SLC14A2: variants seen among roughly 807,000 people sequenced by gnomAD.
SLC14A2 encodes the protein urea transporter 2.
SLC14A2 carries 91 observed loss-of-function variants against 104.6 expected under a neutral mutation model. That is an observed-to-expected ratio of 0.87 (90% CI 0.73 to 1.04). The LOEUF (loss-of-function observed/expected upper bound fraction) is 1.04. Ranked by LOEUF, SLC14A2 falls within the 50% of genes least tolerant of loss-of-function variation. SLC14A2 has a pLI of 0.00. For synonymous variants in SLC14A2, 476 were observed against 466.4 expected (o/e 1.02, Z -0.27); for missense variants, 1,189 against 1,156.0 (o/e 1.03, Z -0.41).
At chr18:45,355,251 A>AATAGAGATATATCTCTAATCCT (rs1598713569) in intron 1 of SLC14A2, among the ~76,000 whole-genome samples, 2 of 152,120 alleles carry the variant, frequency 1.3e-5, no homozygotes, top group Admixed American at 6.5e-5. Context: ...TTATGATGCT[A>AATAGAGATATATCTCTAATCCT]ATAGAGATAT....
chr18:45,554,251 C>T (rs148202923), intron 2 of SLC14A2, among the ~76,000 whole-genome samples: 20 of 152,248 alleles, frequency 1.3e-4, no homozygotes, highest in Non-Finnish European at 2.5e-4. Context: ...TCAGCAATTC[C>T]ATGGGGCAGG....
At chr18:45,328,938 C>T (rs1046855721) in intron 1 of SLC14A2, among the ~76,000 whole-genome samples, 4 of 152,188 alleles carry the variant, frequency 2.6e-5, no homozygotes, top group African/African-American at 9.7e-5. Context: ...GCTCACATTC[C>T]TTTATTCAGA....
intron 1 of SLC14A2, among the ~76,000 whole-genome samples, chr18:45,618,875 G>T (rs185595703): frequency 5.9e-5 from 9 of 152,130 alleles, no homozygotes; most frequent in Admixed American, 5.9e-4. Context: ...AGGAGCATAC[G>T]AAATAGGCAC....
intron 1 of SLC14A2, among the ~76,000 whole-genome samples, chr18:45,384,232 G>A (rs1225032856): frequency 6.6e-6 from 1 of 152,026 alleles, no homozygotes; most frequent in East Asian, 1.9e-4. Context: ...ACAAGTGAGG[G>A]GGCCACACAG....
intron 1 of SLC14A2, among the ~76,000 whole-genome samples, chr18:45,400,865 C>T (rs1265748220): frequency 6.6e-6 from 1 of 152,204 alleles, no homozygotes; most frequent in Non-Finnish European, 1.5e-5. Flanking sequence ...TGCTTTGATG[C>T]TCGGACGTGT....
At chr18:45,616,271 C>T (rs576702429) in intron 1 of SLC14A2, among the ~76,000 whole-genome samples, 1 of 152,338 alleles carries the variant, frequency 6.6e-6, no homozygotes, top group Admixed American at 6.5e-5. Context: ...CCTGCAGACT[C>T]TACATTTCTT....
At chr18:45,370,794 G>C (rs2085714956) in intron 1 of SLC14A2, among the ~76,000 whole-genome samples, 1 of 152,188 alleles carries the variant, frequency 6.6e-6, no homozygotes. Context: ...AGAGCGACTG[G>C]AACACTGTCA....
intron 1 of SLC14A2, among the ~76,000 whole-genome samples, chr18:45,343,088 A>G (rs2085412343): frequency 6.6e-6 from 1 of 151,842 alleles, no homozygotes; most frequent in Non-Finnish European, 1.5e-5. Flanking sequence ...TCTGGGTGGC[A>G]CAACCTACCT....
In SLC14A2 at chr18:45,666,170, A is replaced by C; in HGVS notation, c.1508A>C (p.Asn503Thr). 6.2e-7 allele frequency: 1 copy of C among 1,613,964 alleles called. No homozygotes were observed. The highest frequency in any genetic ancestry group is 8.5e-7 in the Non-Finnish European group (1 of 1,179,854). ...FGKGEHQERQ[N>T]KDPFPYRYRK... ...AAAGGCGAACACCAGGAAAGACAAAACAAAGACCCATTTCCCTATCGATAC... is the reference window on the plus strand; with the variant it reads ...AAAGGCGAACACCAGGAAAGACAAACCAAAGACCCATTTCCCTATCGATAC... Residue 503 changes from asparagine (N) to threonine (T), a missense_variant, in exon 12 of 20, where the codon AAC becomes ACC. Asn to Thr is a moderately conservative substitution (Grantham distance 65, BLOSUM62 0). Coordinates refer to ENST00000255226, the MANE Select transcript of SLC14A2 (RefSeq NM_007163.4).
chr18:45,255,134 CG>C (rs1204031574), intron 1 of SLC14A2, among the ~76,000 whole-genome samples: 2 of 152,134 alleles, frequency 1.3e-5, no homozygotes, highest in African/African-American at 4.8e-5. Flanking sequence ...CCATTCCCCC[CG>C]AACACACTGT....
intron 1 of SLC14A2, among the ~76,000 whole-genome samples, chr18:45,457,034 C>A (rs2086955701): frequency 1.3e-5 from 2 of 152,046 alleles, no homozygotes; most frequent in South Asian, 4.2e-4. Context: ...CTGCCAGGAT[C>A]TCCTCCTAGT....
chr18:45,565,905 T>C (rs986217732), intron 2 of SLC14A2, among the ~76,000 whole-genome samples: 10 of 152,212 alleles, frequency 6.6e-5, no homozygotes, highest in African/African-American at 2.4e-4. Flanking sequence ...CTTGCCCTTT[T>C]ACGCTGACAC....
intron 4 of SLC14A2, among the ~76,000 whole-genome samples, chr18:45,629,224 G>T (rs2045307919): frequency 6.6e-6 from 1 of 152,226 alleles, no homozygotes. Flanking sequence ...CCTGGCCCTG[G>T]TGAGAAGTTG....
At chr18:45,441,398 C>G (rs868574132) in intron 1 of SLC14A2, among the ~76,000 whole-genome samples, 20 of 152,294 alleles carry the variant, frequency 1.3e-4, no homozygotes, top group African/African-American at 4.8e-4. Context: ...TTTCTCCACC[C>G]AGTCAAAACC....
chr18:45,168,928 T>C, the SLC14A2 span: 5 of 152,232 alleles, frequency 3.3e-5, no homozygotes, highest in South Asian at 2.1e-4. Flanking sequence ...GGGTGTTTTA[T>C]GGTTTTGCAT....
chr18:45,209,536 C>T (rs1055181344), upstream of SLC14A2, among the ~76,000 whole-genome samples: 8 of 144,916 alleles, frequency 5.5e-5, no homozygotes, highest in African/African-American at 8.0e-5. Flanking sequence ...ACTAGAATCA[C>T]CCCTTCCTTT....
At chr18:45,672,234 TA>T (rs371834929) in intron 16 of SLC14A2, among the ~76,000 whole-genome samples, 8 of 151,622 alleles carry the variant, frequency 5.3e-5, no homozygotes, top group African/African-American at 1.9e-4. Flanking sequence ...TTTTTAGCTT[TA>T]AAAAAAAATC....
chr18:45,236,088 C>T (rs1429603766), intron 1 of SLC14A2, among the ~76,000 whole-genome samples: 47 of 25,418 alleles, frequency 1.8e-3, no homozygotes, highest in Non-Finnish European at 2.5e-3. Flanking sequence ...TGTATATATA[C>T]ATATATGTGT....
chr18:45,501,153 C>G (rs1355440221), intron 2 of SLC14A2, among the ~76,000 whole-genome samples: 1 of 152,204 alleles, frequency 6.6e-6, no homozygotes, highest in African/African-American at 2.4e-5. Context: ...AAGGCTATAA[C>G]TTGCCCAAGA....
Sources: allele counts gnomAD v4.1 joint callset (sites outside exome capture counted in the v4.1 genomes callset), GRCh38; gene constraint gnomAD v4.1.1; transcripts MANE v1.5; gene names NCBI Gene and HGNC (gene_info 2026-07-23, HGNC 2026-07-21).